Variants in GAS6 observed in about 807,000 individuals in gnomAD.
The protein encoded by GAS6 is growth arrest specific 6, also known as growth arrest-specific protein 6.
Under a neutral mutation model 75.8 loss-of-function variants are expected in GAS6, and 41 were observed. The ratio of observed to expected loss-of-function variants is 0.54; its 90% CI spans 0.42 to 0.70. The LOEUF (loss-of-function observed/expected upper bound fraction) is 0.70, where lower values mean the gene tolerates loss of function less well. GAS6 is among the 30% of genes least tolerant of loss of function. GAS6 has a pLI of 0.00. For synonymous variants in GAS6, 432 were observed against 412.6 expected (o/e 1.05, Z -0.57); for missense variants, 854 against 940.2 (o/e 0.91, Z 1.20).
Position 113,832,729 on chromosome 13 carries a change from G to T in GAS6, c.858C>A (p.Phe286Leu). 6.2e-7 allele frequency: 1 copy of T among 1,612,724 alleles called. No homozygotes were observed. The highest frequency in any genetic ancestry group is 8.5e-7 in the Non-Finnish European group (1 of 1,179,950). ...TCEDILPCVPFSVAKSVKSLY... is the reference protein window; with the variant it reads ...TCEDILPCVPLSVAKSVKSLY... ...AGGACTTCACACTCTTGGCCACGCT[G>T]AAGGGCACGCACGGCAAGATGTCCT... The change falls in exon 9 of 15, where the codon TTC becomes TTA. Residue 286 changes from phenylalanine to leucine, a missense_variant. Transcript: ENST00000327773.
At chr13:113,849,562 A>C (rs1170503337) in intron 2 of GAS6, among the ~76,000 whole-genome samples, 2 of 152,226 alleles carry the variant, frequency 1.3e-5, no homozygotes, top group African/African-American at 2.4e-5. Context: ...GATTGAAAAC[A>C]ACTAAGAACT....
rs143007902 is a variant in GAS6, at chr13:113,849,416, C to T, written c.256-1366G>A. On this transcript the variant is annotated intron_variant, in intron 2 of 14. Coordinates refer to ENST00000327773, the MANE Select transcript of GAS6 (RefSeq NM_000820.4). Reference sequence around the variant, plus strand: ...GCCCTGGTGGAGTCCTGGAGCAACACGAAGTGGCACCAGGTTTCTAGGCTT... The same window carrying T: ...GCCCTGGTGGAGTCCTGGAGCAACATGAAGTGGCACCAGGTTTCTAGGCTT... Among the ~76,000 whole-genome samples the T allele has an allele frequency of 1.1e-4, 17 of 152,240 alleles. No individual in the cohort carries two copies. The East Asian group carries it at 1.7e-3, about 16-fold the overall frequency.
intron 8 of GAS6, chr13:113,833,605 G>A: frequency 2.0e-6 from 2 of 1,004,452 alleles, no homozygotes; most frequent in Non-Finnish European, 2.4e-6. Context: ...CGGTGTGACA[G>A]GCACCGGTGT....
chr13:113,846,697 G>A (rs1169683400), intron 3 of GAS6, 108 bp from the exon 4 acceptor site: 6 of 858,208 alleles, frequency 7.0e-6, no homozygotes, highest in African/African-American at 5.0e-5. Flanking sequence ...GCTTACCTGG[G>A]GTGCTATCAT....
intron 2 of GAS6, among the ~76,000 whole-genome samples, chr13:113,855,925 A>G (rs924729976): frequency 4.6e-5 from 7 of 152,184 alleles, no homozygotes; most frequent in South Asian, 4.1e-4. Flanking sequence ...GTGAGACTTA[A>G]AGGTCACTTG....
intron 8 of GAS6, chr13:113,833,704 C>T: frequency 1.0e-6 from 1 of 999,404 alleles, no homozygotes; most frequent in Non-Finnish European, 1.2e-6. Context: ...GTGTGACAGG[C>T]AGTGGTGTGA....
At chr13:113,858,254 CTG>C (rs937388519) in intron 2 of GAS6, among the ~76,000 whole-genome samples, 86 of 152,222 alleles carry the variant, frequency 5.6e-4, no homozygotes, top group African/African-American at 1.8e-3. Context: ...CCATGTGTGC[CTG>C]TGTGTGTATA....
chr13:113,850,116 G>T (rs573659580), intron 2 of GAS6, among the ~76,000 whole-genome samples: 130 of 152,306 alleles, frequency 8.5e-4, no homozygotes, highest in African/African-American at 2.9e-3. Context: ...AGCCAAAGAT[G>T]TAAGACCCAG....
chr13:113,857,741 G>C (rs558065097), intron 2 of GAS6, among the ~76,000 whole-genome samples: 1 of 152,216 alleles, frequency 6.6e-6, no homozygotes, highest in East Asian at 1.9e-4. Flanking sequence ...AAAGGGAGAC[G>C]TTCAGCGTTT....
chr13:113,837,953 C>T lies in GAS6; in HGVS notation c.589+116G>A. On this transcript the variant is annotated intron_variant, in intron 6 of 14. Coordinates refer to ENST00000327773, the MANE Select transcript of GAS6 (RefSeq NM_000820.4). This position sits in a 1 kb window ranked among gnomAD's most constrained non-coding sequence, Gnocchi z 5.1. ...GTGTAGTCTCTGCAGGATGCCCCAT[C>T]CCATCCAGAACCACAGGAACCCAGC... The T allele has an allele frequency of 7.8e-7, 1 of 1,274,876 alleles. No individual in the cohort carries two copies. Among genetic ancestry groups the T allele is most frequent in the Non-Finnish European group, 1.1e-6 (1 of 910,852 alleles). The allele number at this position is 1,274,876 out of a possible 1,614,324, so 79.0% of individuals were successfully genotyped here. A position where few individuals can be genotyped will look rare whatever the true frequency, so the allele number is the denominator to read the frequency against.
At chr13:113,834,399 G>A in intron 8 of GAS6, 152 bp downstream of exon 8, 3 of 781,596 alleles carry the variant, frequency 3.8e-6, no homozygotes, top group Admixed American at 7.2e-5. Context: ...GGGAACAGAA[G>A]CGTTTCTCAT....
chr13:113,833,573 G>A lies in GAS6; in HGVS notation c.835-821C>T, dbSNP rs143047271. 1.4e-5 allele frequency: 14 copies of A among 1,018,500 alleles called. No individual in the cohort carries two copies. In the African/African-American group the frequency reaches 1.4e-4, roughly 10 times the overall value. The allele number at this position is 1,018,500 out of a possible 1,614,324, so 63.1% of individuals were successfully genotyped here. On this transcript the variant is annotated intron_variant, in intron 8 of 14. Coordinates refer to ENST00000327773, the MANE Select transcript of GAS6 (RefSeq NM_000820.4). The stretch of plus-strand genomic sequence containing the variant: ...ATGTGGGTACTGCATTCCTACCGGT[G>A]TGACAGGTCAGTGTGACAGGTCGGT...
intron 2 of GAS6, among the ~76,000 whole-genome samples, chr13:113,857,492 G>A (rs1201230965): frequency 2.0e-5 from 3 of 152,110 alleles, no homozygotes; most frequent in African/African-American, 4.8e-5. Flanking sequence ...CATCAAATAC[G>A]AAACCCTTAA....
At chr13:113,852,150 A>G (rs2051881115) in intron 2 of GAS6, among the ~76,000 whole-genome samples, 1 of 152,202 alleles carries the variant, frequency 6.6e-6, no homozygotes, top group Non-Finnish European at 1.5e-5. Flanking sequence ...GCCCAACATA[A>G]ATTCGTAAAC....
intron 5 of GAS6, 162 bp from the exon 6 acceptor site, chr13:113,838,353 C>T: frequency 1.2e-6 from 1 of 811,786 alleles, no homozygotes; most frequent in Non-Finnish European, 1.9e-6. Context: ...AGGTGCACAG[C>T]CCAGCCCTGG....
chr13:113,858,949 T>C (rs941679298), intron 2 of GAS6, among the ~76,000 whole-genome samples: 11 of 149,270 alleles, frequency 7.4e-5, no homozygotes, highest in Admixed American at 6.7e-4. Flanking sequence ...GTCATGCATG[T>C]GTGTACATGT....
At chr13:113,821,245 C>T in intron 14 of GAS6, 1 of 583,508 alleles carries the variant, frequency 1.7e-6, no homozygotes, top group South Asian at 2.0e-5. Flanking sequence ...CCTCCCTTCC[C>T]CGCTGGGAGC....
intron 11 of GAS6, 83 bp downstream of exon 11, chr13:113,828,464 C>G: frequency 7.0e-7 from 1 of 1,420,796 alleles, no homozygotes; most frequent in Non-Finnish European, 9.6e-7. Context: ...AAACACAGGG[C>G]AGGGTGTGAC....
intron 13 of GAS6, 160 bp downstream of exon 13, chr13:113,823,215 G>T: frequency 1.3e-6 from 1 of 753,212 alleles, no homozygotes; most frequent in Non-Finnish European, 2.0e-6. Context: ...GCAGCCCGAA[G>T]CGTGGCCCAC....
Sources: gnomAD v4.1 joint callset for allele counts (sites outside exome capture counted in the v4.1 genomes callset) on GRCh38, gnomAD v4.1.1 for gene constraint, Gnocchi (gnomAD v3.1) non-coding constraint, MANE v1.5 for transcripts, NCBI Gene and HGNC (gene_info 2026-07-23, HGNC 2026-07-21) for gene names.